CLEC4E: variants seen among roughly 807,000 people sequenced by gnomAD.
The protein encoded by CLEC4E is C-type (calcium dependent, carbohydrate-recognition domain) lectin, superfamily member 9.
Under a neutral mutation model 24.7 loss-of-function variants are expected in CLEC4E, and 21 were observed. The observed-to-expected ratio is 0.85, with a 90% CI of 0.60 to 1.22. CLEC4E has a LOEUF of 1.22. Ranked by LOEUF, CLEC4E falls within the 50% of genes most tolerant of loss-of-function variation. The probability of loss-of-function intolerance (pLI) is 0.00; values close to 1 mark genes in which losing one functional copy is unlikely to be tolerated. For missense variants in CLEC4E, 249 were observed against 254.1 expected (o/e 0.98, Z 0.14); for synonymous variants, 94 against 85.7 (o/e 1.10, Z -0.54).
At chr12:8,535,174 T>A (rs1940595806) in intron 5 of CLEC4E, among the ~76,000 whole-genome samples, 1 of 152,234 alleles carries the variant, frequency 6.6e-6, no homozygotes, top group Non-Finnish European at 1.5e-5. Flanking sequence ...GCTCTCTTTA[T>A]TCTGCACAGA....
In CLEC4E at chr12:8,539,231, T is replaced by C. The variant is rs572393547; in HGVS notation, c.206A>G (p.Tyr69Cys). 1 of 1,609,258 alleles carries C rather than the reference T, an allele frequency of 6.2e-7. No homozygotes were observed. Among genetic ancestry groups the C allele is most frequent in the East Asian group, 2.2e-5 (1 of 44,832 alleles). The change falls in exon 3 of 6, where the codon TAC becomes TGC. Residue 69 changes from tyrosine (Y) to cysteine (C), a missense_variant. Physicochemically the swap from Tyr to Cys is radical, Grantham distance 194 (BLOSUM62 -2). Transcript: ENST00000299663. The stretch of plus-strand genomic sequence containing the variant: ...GACTATTATACCTGATCCATAATTG[T>C]AGCAGGAGAGCTCTGTGAAATTCTC... ...LPENFTELSC[Y>C]NYGSGSVKNC...
At position 8,537,138 on chromosome 12, in the gene CLEC4E, C is replaced by T. The variant is rs752642418; in HGVS notation, c.349G>A (p.Val117Ile). 4.3e-6 allele frequency: 7 copies of T among 1,613,174 alleles called. No individual in the cohort carries two copies. The highest frequency in any genetic ancestry group is 5.9e-6 in the Non-Finnish European group (7 of 1,179,422). The change falls in exon 4 of 6, where the codon GTT becomes ATT. Residue 117 changes from valine (V) to isoleucine (I), a missense_variant. Physicochemically the swap from Val to Ile is conservative, Grantham distance 29. Coordinates refer to ENST00000299663, the MANE Select transcript of CLEC4E (RefSeq NM_014358.4). ...NCSAMGAHLV[V>I]INSQEEQEFL... ...ACCTGCTCCTCCTGTGAGTTGATAA[C>T]CACCAGGTGAGCCCCCATGGCTGAG...
At chr12:8,536,043 TA>T in intron 5 of CLEC4E, 46 bp downstream of exon 5, 1 of 1,082,648 alleles carries the variant, frequency 9.2e-7, no homozygotes, top group Non-Finnish European at 1.4e-6. Context: ...CTATTGCAGG[TA>T]ACAGAAGGAG....
At chr12:8,539,723 T>G in intron 2 of CLEC4E, 132 bp downstream of exon 2, 1 of 666,144 alleles carries the variant, frequency 1.5e-6, no homozygotes, top group South Asian at 1.9e-5. Flanking sequence ...AACCTAGAGA[T>G]TAATAGGGAA....
At chr12:8,540,020 T>C (rs2136401591) in intron 1 of CLEC4E, 73 bp from the exon 2 acceptor site, 1 of 950,650 alleles carries the variant, frequency 1.1e-6, no homozygotes, top group East Asian at 2.4e-5. Flanking sequence ...GAGATTCTTA[T>C]TCATCCTTAC....
rs374076396 is a variant in CLEC4E at position 8,539,319 on chromosome 12, G to A, written c.131-13C>T. The A allele has an allele frequency of 6.4e-7, 1 of 1,565,372 alleles. No individual in the cohort carries two copies. The highest frequency in any genetic ancestry group is 8.8e-7 in the Non-Finnish European group (1 of 1,141,148). ...ATGCGAAATGTCACTGTAAAAGAAAGGGCATAATGTTTGTTAGTCTTATTT... is the reference window on the plus strand; with the variant it reads ...ATGCGAAATGTCACTGTAAAAGAAAAGGCATAATGTTTGTTAGTCTTATTT... On this transcript the variant is annotated splice_polypyrimidine_tract_variant and intron_variant, in intron 2 of 5. Transcript: ENST00000299663.
chr12:8,536,030 G>A (rs1940607566), intron 5 of CLEC4E, 60 bp downstream of exon 5: 11 of 949,410 alleles, frequency 1.2e-5, no homozygotes, highest in Admixed American at 5.4e-5. Flanking sequence ...TAATGGACCT[G>A]ATCTATTGCA....
chr12:8,540,900 A>G lies in CLEC4E; in HGVS notation c.-103T>C, dbSNP rs1940692932. ...GTTTTGTTGGTAAGATTCAGGGAGA[A>G]TGAATCTTGAAAGATAAACACTTTG... On this transcript the variant is annotated 5_prime_UTR_variant, in exon 1 of 6. Transcript: ENST00000299663. 13 of 798,190 alleles carry G rather than the reference A, an allele frequency of 1.6e-5. No homozygotes were observed. The highest frequency in any genetic ancestry group is 2.9e-5 in the Non-Finnish European group (13 of 453,448). The allele number at this position is 798,190 out of a possible 1,614,324, so 49.4% of individuals were successfully genotyped here. A position where few individuals can be genotyped will look rare whatever the true frequency, so the allele number is the denominator to read the frequency against.
chr12:8,537,320 C>G (rs1940629477), intron 3 of CLEC4E, 54 bp from the exon 4 acceptor site: 11 of 1,557,940 alleles, frequency 7.1e-6, no homozygotes, highest in Non-Finnish European at 8.8e-6. Context: ...TAAGAAAACC[C>G]AAAGCTTCAT....
At position 8,539,199 on chromosome 12, in the gene CLEC4E, C is replaced by G; in HGVS notation, c.220+18G>C. The G allele has an allele frequency of 1.3e-6, 2 of 1,539,862 alleles. No individual in the cohort carries two copies. Among genetic ancestry groups the G allele is most frequent in the Non-Finnish European group, 1.8e-6 (2 of 1,114,918 alleles). On this transcript the variant is annotated intron_variant, in intron 3 of 5. Transcript: ENST00000299663. Reference sequence around the variant, plus strand: ...GTTGCTTTGTAAATTTTGATGTTCACCTTTGGGACTATTATACCTGATCCA... The same window carrying G: ...GTTGCTTTGTAAATTTTGATGTTCAGCTTTGGGACTATTATACCTGATCCA...
chr12:8,537,236 C>A lies in CLEC4E; in HGVS notation c.251G>T (p.Trp84Leu). The part of the protein sequence containing the change: ...GSVKNCCPLN[W>L]EYFQSSCYFF... The stretch of plus-strand genomic sequence containing the variant: ...GTAGCAGCTGGATTGAAAATATTCC[C>A]AGTTCAATGGACAACAATTCTTGAC... The change falls in exon 4 of 6, where the codon TGG (tryptophan) becomes TTG (leucine). Residue 84 changes from tryptophan to leucine, a missense_variant. Transcript: ENST00000299663. 1 of 1,613,638 alleles carries A rather than the reference C, an allele frequency of 6.2e-7. No homozygotes were observed. Among genetic ancestry groups the A allele is most frequent in the South Asian group, 1.1e-5 (1 of 91,022 alleles).
chr12:8,540,337 T>C (rs1380509692), intron 1 of CLEC4E, among the ~76,000 whole-genome samples: 1 of 152,160 alleles, frequency 6.6e-6, no homozygotes, highest in African/African-American at 2.4e-5. Flanking sequence ...TTTCTTTTTC[T>C]TTCTTTTCCC....
chr12:8,535,938 A>C, intron 5 of CLEC4E, 152 bp downstream of exon 5: 2 of 428,956 alleles, frequency 4.7e-6, no homozygotes, highest in Non-Finnish European at 8.6e-6. Flanking sequence ...ATTCCAGGAA[A>C]GGAGAGAAGT....
At chr12:8,538,637 C>A (rs1940649597) in intron 3 of CLEC4E, among the ~76,000 whole-genome samples, 1 of 152,210 alleles carries the variant, frequency 6.6e-6, no homozygotes, top group African/African-American at 2.4e-5. Context: ...TTTATTTCTA[C>A]ATGCTCTCGT....
intron 3 of CLEC4E, among the ~76,000 whole-genome samples, chr12:8,538,453 C>T (rs978059521): frequency 3.3e-5 from 5 of 152,254 alleles, no homozygotes; most frequent in Non-Finnish European, 7.3e-5. Flanking sequence ...ACGTGACCCA[C>T]ATGACCTTAC....
chr12:8,537,838 A>C (rs1276257625), intron 3 of CLEC4E, among the ~76,000 whole-genome samples: 2 of 152,236 alleles, frequency 1.3e-5, no homozygotes, highest in Admixed American at 6.5e-5. Context: ...TGTAGCAATT[A>C]CTTTTTATTC....
At chr12:8,539,677 A>G (rs1336359442) in intron 2 of CLEC4E, among the ~76,000 whole-genome samples, 178 bp downstream of exon 2, 1 of 152,126 alleles carries the variant, frequency 6.6e-6, no homozygotes, top group Non-Finnish European at 1.5e-5. Flanking sequence ...ATTCAGAAAC[A>G]GTTCCCTGCT....
At chr12:8,538,185 A>G (rs1487421477) in intron 3 of CLEC4E, among the ~76,000 whole-genome samples, 2 of 152,208 alleles carry the variant, frequency 1.3e-5, no homozygotes, top group African/African-American at 4.8e-5. Context: ...AGGGCCTGAC[A>G]TTAGTCAGGC....
chr12:8,537,100 G>A lies in CLEC4E; in HGVS notation c.372+15C>T, dbSNP rs1265844505. The A allele has an allele frequency of 6.2e-7, 1 of 1,606,576 alleles. No individual in the cohort carries two copies. The highest frequency in any genetic ancestry group is 1.1e-5 in the South Asian group (1 of 90,754). On this transcript the variant is annotated intron_variant, in intron 4 of 5. Transcript: ENST00000299663. ...TGTCGGGAATGTTACATTGGCATCGGAGGACTCCAGCTACCTGCTCCTCCT... is the reference window on the plus strand; with the variant it reads ...TGTCGGGAATGTTACATTGGCATCGAAGGACTCCAGCTACCTGCTCCTCCT...
Sources: gnomAD v4.1 joint callset for allele counts (sites outside exome capture counted in the v4.1 genomes callset) on GRCh38, gnomAD v4.1.1 for gene constraint, MANE v1.5 for transcripts, NCBI Gene and HGNC (gene_info 2026-07-23, HGNC 2026-07-21) for gene names.